The following SLC24A4 variants were observed in gnomAD, a reference collection of about 807,000 sequenced individuals.
SLC24A4 encodes the protein solute carrier family 24 member 4.
In SLC24A4, 53 loss-of-function variants were observed where a neutral mutation model predicts 79.0. The ratio of observed to expected loss-of-function variants is 0.67; its 90% CI spans 0.54 to 0.84. SLC24A4 has a LOEUF of 0.84. SLC24A4 is among the 40% of genes least tolerant of loss of function. The pLI is 0.00. For missense variants in SLC24A4, 731 were observed against 822.0 expected (o/e 0.89, Z 1.35); for synonymous variants, 323 against 323.8 (o/e 1.00, Z 0.03).
At chr14:92,489,776 C>T (rs1038451784) in intron 14 of SLC24A4, among the ~76,000 whole-genome samples, 3 of 152,296 alleles carry the variant, frequency 2.0e-5, no homozygotes, top group East Asian at 1.9e-4. Context: ...TTGTGCAGAG[C>T]GGGAAGTCCA....
At chr14:92,435,202 G>A (rs763620681) in intron 3 of SLC24A4, among the ~76,000 whole-genome samples, 4 of 152,190 alleles carry the variant, frequency 2.6e-5, no homozygotes, top group Admixed American at 6.5e-5. Flanking sequence ...GGACCTTGAT[G>A]ACAAATGGTG....
chr14:92,379,778 C>A (rs1053288295), intron 2 of SLC24A4, among the ~76,000 whole-genome samples: 1 of 152,120 alleles, frequency 6.6e-6, no homozygotes, highest in African/African-American at 2.4e-5. Flanking sequence ...GTGCCTCCTG[C>A]TCACCCTGCT....
At chr14:92,337,920 T>C (rs951527412) in intron 2 of SLC24A4, among the ~76,000 whole-genome samples, 2 of 152,182 alleles carry the variant, frequency 1.3e-5, no homozygotes, top group African/African-American at 4.8e-5. Context: ...CAGTACAAAT[T>C]TTCGGAGCTG....
chr14:92,463,468 A>G (rs923916830), intron 12 of SLC24A4, among the ~76,000 whole-genome samples: 2 of 152,252 alleles, frequency 1.3e-5, no homozygotes, highest in Non-Finnish European at 2.9e-5. Flanking sequence ...TTTGTAGTGA[A>G]AATGATTTTG....
rs187786157 is a variant in SLC24A4, at chr14:92,460,154, A to T, written c.1255+3546A>T. ...GTGCAGATATCGTGTGTTGTGAAGG[A>T]CAAGCTGGGAGGCCGGCTCTGGAGT... On this transcript the variant is annotated intron_variant, in intron 12 of 16. Transcript: ENST00000532405. Among the ~76,000 whole-genome samples, 191 of 152,142 alleles carry T rather than the reference A, an allele frequency of 1.3e-3. 1 individual carries two copies. Among genetic ancestry groups the T allele is most frequent in the African/African-American group, 4.3e-3 (180 of 41,510 alleles).
In SLC24A4 at chr14:92,443,424, G is replaced by A. The variant is rs202152351; in HGVS notation, c.607G>A (p.Val203Met). ...GGTGGTCCGTCTGACGTGGTGGGCCGTGTGCCGAGACTCCGTGTACTACAC... is the reference window on the plus strand; with the variant it reads ...GGTGGTCCGTCTGACGTGGTGGGCCATGTGCCGAGACTCCGTGTACTACAC... ...GQVVRLTWWA[V>M]CRDSVYYTIS... is the part of the protein sequence containing the mutation. The change falls in exon 7 of 17, where the codon GTG becomes ATG. Residue 203 changes from valine (V) to methionine (M), a missense_variant. Val to Met is a conservative substitution (Grantham distance 21, BLOSUM62 1). Transcript: ENST00000532405. 85 of 1,614,036 alleles carry A rather than the reference G, an allele frequency of 5.3e-5. No homozygotes were observed. The highest frequency in any genetic ancestry group is 6.7e-5 in the Non-Finnish European group (79 of 1,180,032).
At chr14:92,460,698 G>T (rs1893748112) in intron 12 of SLC24A4, among the ~76,000 whole-genome samples, 1 of 152,182 alleles carries the variant, frequency 6.6e-6, no homozygotes, top group African/African-American at 2.4e-5. Context: ...GAGCTTCTGG[G>T]CTTGCAGAGC....
chr14:92,392,047 C>G (rs751066414), intron 2 of SLC24A4, among the ~76,000 whole-genome samples: 2 of 152,166 alleles, frequency 1.3e-5, no homozygotes, highest in Non-Finnish European at 2.9e-5. Flanking sequence ...TCACCACCAG[C>G]CCTGGTTGCT....
At chr14:92,476,643 C>T (rs1894782934) in intron 12 of SLC24A4, among the ~76,000 whole-genome samples, 1 of 152,148 alleles carries the variant, frequency 6.6e-6, no homozygotes, top group Non-Finnish European at 1.5e-5. Context: ...CAGCCATCAC[C>T]AATATATAAT....
At chr14:92,436,634 C>T (rs1209176471) in intron 3 of SLC24A4, among the ~76,000 whole-genome samples, 4 of 152,154 alleles carry the variant, frequency 2.6e-5, no homozygotes, top group African/African-American at 9.7e-5. Context: ...TAGATGAATG[C>T]TGACCTCTTC....
At chr14:92,451,405 C>T (rs1595303598) in intron 10 of SLC24A4, 1 of 152,360 alleles carries the variant, frequency 6.6e-6, no homozygotes, top group East Asian at 1.9e-4. Context: ...CTGGGGAGGC[C>T]AGGGCTTTGG....
At chr14:92,401,128 C>G (rs1203144089) in intron 2 of SLC24A4, among the ~76,000 whole-genome samples, 2 of 152,078 alleles carry the variant, frequency 1.3e-5, no homozygotes, top group African/African-American at 4.8e-5. Context: ...ACAGCTCATC[C>G]CCCTGTCTCA....
At chr14:92,348,287 G>A (rs1886656670) in intron 2 of SLC24A4, among the ~76,000 whole-genome samples, 1 of 152,236 alleles carries the variant, frequency 6.6e-6, no homozygotes, top group African/African-American at 2.4e-5. Flanking sequence ...TTGGCATGGT[G>A]CCTGGGACTT....
At chr14:92,478,091 G>A (rs1894870802) in intron 12 of SLC24A4, among the ~76,000 whole-genome samples, 1 of 152,194 alleles carries the variant, frequency 6.6e-6, no homozygotes, top group Non-Finnish European at 1.5e-5. Context: ...ACAGGCATGA[G>A]CTGCTGTGCC....
Position 92,436,526 on chromosome 14 carries a change from G to A in SLC24A4, c.318+2538G>A, listed in dbSNP as rs187205275. On this transcript the variant is annotated intron_variant, in intron 3 of 16. Coordinates refer to ENST00000532405, the MANE Select transcript of SLC24A4 (RefSeq NM_153646.4). ...TCACAACAGCAGAATAGTTGTGGAA[G>A]TGACTATTTGGCCAGCAAAGCCTAA... 6.6e-5 allele frequency among the ~76,000 whole-genome samples: 10 copies of A among 152,346 alleles called. No individual in the cohort carries two copies. The East Asian group carries it at 1.5e-3, about 23-fold the overall frequency.
At chr14:92,461,755 G>C (rs760801738) in intron 12 of SLC24A4, among the ~76,000 whole-genome samples, 1 of 152,182 alleles carries the variant, frequency 6.6e-6, no homozygotes, top group African/African-American at 2.4e-5. Context: ...GGATCTCACG[G>C]GGCATCTGTG....
intron 14 of SLC24A4, among the ~76,000 whole-genome samples, chr14:92,487,621 A>G (rs530090137): frequency 6.6e-6 from 1 of 152,280 alleles, no homozygotes; most frequent in East Asian, 1.9e-4. Flanking sequence ...CTGACAGCGA[A>G]TGGGGACAGT....
At chr14:92,440,344 A>G (rs149228477) in intron 4 of SLC24A4, among the ~76,000 whole-genome samples, 1 of 152,190 alleles carries the variant, frequency 6.6e-6, no homozygotes, top group Non-Finnish European at 1.5e-5. Flanking sequence ...GGTGAGGAAC[A>G]GAGTCCAGAA....
At position 92,449,315 on chromosome 14, in the gene SLC24A4, CA is replaced by C. The variant is rs1220622930; in HGVS notation, c.880+100del. On this transcript the variant is annotated intron_variant, in intron 10 of 16. Transcript: ENST00000532405. ...ACACACACACACACACACACACACA[CA>C]CACACACCCTCTCACAATGTCCCCC... 1,350 of 1,327,798 alleles carry C rather than the reference CA, an allele frequency of 1.0e-3. 6 individuals carry two copies. Among genetic ancestry groups the C allele is most frequent in the Middle Eastern group, 1.3e-3 (6 of 4,560 alleles). 82.3% of individuals were successfully genotyped at this position (1,327,798 alleles called of 1,614,324 possible). A position where few individuals can be genotyped will look rare whatever the true frequency, so the allele number is the denominator to read the frequency against.
Sources: allele counts gnomAD v4.1 joint callset (sites outside exome capture counted in the v4.1 genomes callset), GRCh38; gene constraint gnomAD v4.1.1; transcripts MANE v1.5; gene names NCBI Gene and HGNC (gene_info 2026-07-23, HGNC 2026-07-21).